The following PGBD5 variants were observed in gnomAD, a reference collection of about 807,000 sequenced individuals.
PGBD5 encodes the protein piggyBac transposable element-derived protein 5.
Under a neutral mutation model 47.9 loss-of-function variants are expected in PGBD5, and 14 were observed. The ratio of observed to expected loss-of-function variants is 0.29; its 90% confidence interval spans 0.19 to 0.46. The LOEUF (loss-of-function observed/expected upper bound fraction) is 0.46. PGBD5 is among the 20% of genes least tolerant of loss of function. The pLI is 1.00. For missense variants in PGBD5, 635 were observed against 716.0 expected (o/e 0.89, Z 1.29); for synonymous variants, 316 against 306.3 (o/e 1.03, Z -0.33).
At chr1:230,343,035 T>C (rs1667430317) in intron 3 of PGBD5, among the ~76,000 whole-genome samples, 1 of 152,220 alleles carries the variant, frequency 6.6e-6, no homozygotes, top group Non-Finnish European at 1.5e-5. Flanking sequence ...TCTTTGTGTA[T>C]TAGCTGGGGC....
chr1:230,416,604 G>A (rs1343077471), intron 1 of PGBD5, among the ~76,000 whole-genome samples: 1 of 152,216 alleles, frequency 6.6e-6, no homozygotes, highest in Non-Finnish European at 1.5e-5. Context: ...GCAGGCAAGG[G>A]CTGCCGTTCG....
At chr1:230,370,178 C>T (rs1292773364) in intron 1 of PGBD5, among the ~76,000 whole-genome samples, 1 of 152,216 alleles carries the variant, frequency 6.6e-6, no homozygotes, top group Admixed American at 6.5e-5. Context: ...CCTCCAGCCA[C>T]TGCAGTCAAG....
intron 3 of PGBD5, among the ~76,000 whole-genome samples, chr1:230,348,265 C>T (rs1311090592): frequency 1.3e-5 from 2 of 152,244 alleles, no homozygotes; most frequent in African/African-American, 2.4e-5. Flanking sequence ...TACCTAATCC[C>T]ATCTTTAATT....
At position 230,408,923 on chromosome 1, in the gene PGBD5, C is replaced by T. The variant is rs571033777; in HGVS notation, c.331+16675G>A. Among the ~76,000 whole-genome samples, 3 of 152,036 alleles carry T rather than the reference C, an allele frequency of 2.0e-5. No homozygotes were observed. The South Asian group carries it at 6.2e-4, about 32-fold the overall frequency. On this transcript the variant is annotated intron_variant, in intron 1 of 6. Coordinates refer to ENST00000391860, the MANE Select transcript of PGBD5 (RefSeq NM_001258311.2). The stretch of plus-strand genomic sequence containing the variant: ...ATGAAGAGAGTGAAAAGACAACCCA[C>T]TAAATGGAAGAAAAAACTTGGAAGT...
At chr1:230,403,435 G>A (rs1170637026) in intron 1 of PGBD5, among the ~76,000 whole-genome samples, 1 of 152,196 alleles carries the variant, frequency 6.6e-6, no homozygotes, top group Non-Finnish European at 1.5e-5. Context: ...AGAAGTGGCT[G>A]GGTGCACTCA....
chr1:230,359,432 C>T (rs1667709461), intron 1 of PGBD5, among the ~76,000 whole-genome samples: 1 of 152,170 alleles, frequency 6.6e-6, no homozygotes, highest in Admixed American at 6.5e-5. Context: ...TCCAACCTTC[C>T]TTTATTACTG....
chr1:230,368,548 A>C (rs1667878768), intron 1 of PGBD5, among the ~76,000 whole-genome samples: 1 of 152,226 alleles, frequency 6.6e-6, no homozygotes, highest in South Asian at 2.1e-4. Context: ...GGAGTGAGTG[A>C]ATGAGTGGGG....
At chr1:230,349,660 G>T (rs1312197103) in intron 3 of PGBD5, among the ~76,000 whole-genome samples, 2 of 151,410 alleles carry the variant, frequency 1.3e-5, no homozygotes, top group Non-Finnish European at 2.9e-5. Flanking sequence ...TTTACTGAAA[G>T]AATAAATGAA....
chr1:230,376,197 G>C (rs755399001), intron 1 of PGBD5, among the ~76,000 whole-genome samples: 26 of 152,070 alleles, frequency 1.7e-4, no homozygotes, highest in Non-Finnish European at 3.2e-4. Context: ...GAGCTGATGT[G>C]CTGTGTAATT....
At chr1:230,362,158 TGCAACTTCAGCAG>T in intron 1 of PGBD5, 2 of 1,222,732 alleles carry the variant, frequency 1.6e-6, no homozygotes, top group Non-Finnish European at 2.1e-6. Flanking sequence ...ACCATGCTCT[TGCAACTTCAGCAG>T]GCTCACTCTG....
At chr1:230,353,946 A>C (rs1667596865) in intron 2 of PGBD5, among the ~76,000 whole-genome samples, 2 of 152,184 alleles carry the variant, frequency 1.3e-5, no homozygotes, top group Non-Finnish European at 2.9e-5. Flanking sequence ...GAAGAGCATA[A>C]ATGCAGGAGC....
At position 230,316,158 on chromosome 1, in the gene PGBD5, GTA is replaced by G. The variant is rs1188896402; in HGVS notation, c.*7265_*7266del. On this transcript the variant is annotated 3_prime_UTR_variant, in exon 7 of 7. Transcript: ENST00000391860. Reference sequence around the variant, plus strand: ...CATATGTATATGTGTACACATATATGTATGTGTATACATACATACGTACACAT... The same window carrying G: ...CATATGTATATGTGTACACATATATGTGTGTATACATACATACGTACACAT... 1.4e-5 allele frequency: 2 copies of G among 145,484 alleles called. No homozygotes were observed. Among genetic ancestry groups the G allele is most frequent in the Non-Finnish European group, 1.5e-5 (1 of 66,630 alleles). 9.0% of individuals were successfully genotyped at this position (145,484 alleles called of 1,614,324 possible).
At chr1:230,401,752 C>T (rs925023455) in intron 1 of PGBD5, among the ~76,000 whole-genome samples, 3 of 152,230 alleles carry the variant, frequency 2.0e-5, no homozygotes, top group Admixed American at 2.0e-4. Flanking sequence ...AGTCACTGGG[C>T]TTCCTTTCCT....
chr1:230,356,727 T>C (rs1667651775), intron 2 of PGBD5, among the ~76,000 whole-genome samples, 167 bp downstream of exon 2: 1 of 152,044 alleles, frequency 6.6e-6, no homozygotes, highest in African/African-American at 2.4e-5. Context: ...CCGATCTCAT[T>C]TGGATTATGT....
intron 4 of PGBD5, among the ~76,000 whole-genome samples, chr1:230,336,836 C>CATAA (rs1667330980): frequency 5.1e-5 from 1 of 19,446 alleles, no homozygotes; most frequent in Admixed American, 1.0e-3. Context: ...ACAGGGGACA[C>CATAA]ACAAATGCCC....
rs1667096057 is a variant in PGBD5, at chr1:230,325,179, G to T, written c.1379+131C>A. 4.2e-6 allele frequency: 3 copies of T among 716,992 alleles called. No homozygotes were observed. In the African/African-American group the frequency reaches 5.3e-5, roughly 13 times the overall value. The allele number at this position is 716,992 out of a possible 1,614,324, so 44.4% of individuals were successfully genotyped here. On this transcript the variant is annotated intron_variant, in intron 6 of 6. Coordinates refer to ENST00000391860, the MANE Select transcript of PGBD5 (RefSeq NM_001258311.2). ...GCCCAGAAGCCCAGGCTGAGGGCAG[G>T]ATCTTACCTCCCAGGGTCTTCATCC...
At chr1:230,338,373 T>C (rs973550757) in intron 3 of PGBD5, among the ~76,000 whole-genome samples, 1 of 152,224 alleles carries the variant, frequency 6.6e-6, no homozygotes, top group Non-Finnish European at 1.5e-5. Context: ...GTGCTTGGGA[T>C]CTGCATTCCC....
At position 230,357,303 on chromosome 1, in the gene PGBD5, G is replaced by A; in HGVS notation, c.350C>T (p.Pro117Leu). Residue 117 changes from proline to leucine, a missense_variant, in exon 2 of 7, where the codon CCC becomes CTC. Physicochemically the swap from Pro to Leu is moderately conservative, Grantham distance 98. Coordinates refer to ENST00000391860, the MANE Select transcript of PGBD5 (RefSeq NM_001258311.2). The surrounding 1 kb of genome is among the most constrained non-coding windows in gnomAD (Gnocchi z 5.7). Reference protein sequence around the residue: ...EDTGGPTRKMPPSASAVDFFQ... With the variant: ...EDTGGPTRKMLPSASAVDFFQ... ...GAAGTCCACGGCACTGGCGCTGGGG[G>A]GCATCTTTCGGGTGGGACCTGAAAC... is the stretch of plus-strand genomic sequence containing the variant. The A allele has an allele frequency of 6.2e-7, 1 of 1,613,402 alleles. No homozygotes were observed. Among genetic ancestry groups the A allele is most frequent in the Non-Finnish European group, 8.5e-7 (1 of 1,179,536 alleles).
intron 3 of PGBD5, among the ~76,000 whole-genome samples, chr1:230,350,204 G>A (rs954559417): frequency 6.6e-5 from 10 of 152,210 alleles, no homozygotes; most frequent in East Asian, 3.9e-4. Flanking sequence ...GTGTCGCTGC[G>A]CAGCACGCAT....
Sources: allele counts gnomAD v4.1 joint callset (sites outside exome capture counted in the v4.1 genomes callset), GRCh38; gene constraint gnomAD v4.1.1; non-coding constraint Gnocchi (gnomAD v3.1); transcripts MANE v1.5; gene names NCBI Gene and HGNC (gene_info 2026-07-23, HGNC 2026-07-21).